MYO3A: variants seen among roughly 807,000 people sequenced by gnomAD.
MYO3A encodes myosin-IIIa.
In MYO3A, 180 loss-of-function variants were observed where a neutral mutation model predicts 192.7. The observed-to-expected ratio is 0.93, with a 90% CI of 0.83 to 1.06. The LOEUF (loss-of-function observed/expected upper bound fraction) is 1.06, where lower values mean the gene tolerates loss of function less well. Ranked by LOEUF, MYO3A falls within the 50% of genes least tolerant of loss-of-function variation. MYO3A has a pLI of 0.00. For missense variants in MYO3A, 1,896 were observed against 1,905.0 expected, an observed-to-expected ratio of 1.00 and a Z score of 0.09; for synonymous variants, 628 against 645.3, an observed-to-expected ratio of 0.97 and a Z score of 0.41.
At chr10:26,015,281 C>T (rs943764240) in intron 6 of MYO3A, among the ~76,000 whole-genome samples, 4 of 152,100 alleles carry the variant, frequency 2.6e-5, no homozygotes, top group South Asian at 2.1e-4. Context: ...AATTTTCCAC[C>T]CATCAGCAGC....
chr10:26,007,509 A>C (rs898243753), intron 6 of MYO3A, among the ~76,000 whole-genome samples: 11 of 152,104 alleles, frequency 7.2e-5, no homozygotes, highest in African/African-American at 2.7e-4. Context: ...AAATCTGCTT[A>C]AGCTGATAAG....
chr10:25,960,368 A>G (rs531668448), intron 4 of MYO3A, among the ~76,000 whole-genome samples: 8 of 152,246 alleles, frequency 5.3e-5, no homozygotes, highest in Admixed American at 5.2e-4. Flanking sequence ...CAATTTATCT[A>G]TGATTTCAAT....
intron 14 of MYO3A, among the ~76,000 whole-genome samples, chr10:26,080,710 G>A (rs536878612): frequency 2.6e-5 from 4 of 152,010 alleles, no homozygotes; most frequent in Non-Finnish European, 5.9e-5. Flanking sequence ...TAGGGCTGAA[G>A]GCTGTTATTC....
At chr10:26,142,188 G>A (rs1326482990) in intron 20 of MYO3A, among the ~76,000 whole-genome samples, 7 of 152,214 alleles carry the variant, frequency 4.6e-5, no homozygotes, top group Admixed American at 4.6e-4. Flanking sequence ...AAAATGGTCT[G>A]TAATTTAAAC....
intron 18 of MYO3A, among the ~76,000 whole-genome samples, chr10:26,121,447 A>G (rs2131705867): frequency 6.6e-6 from 1 of 152,248 alleles, no homozygotes; most frequent in East Asian, 1.9e-4. Flanking sequence ...TGTTTCATTA[A>G]TAATAACAAA....
At chr10:26,078,066 A>G (rs571419503) in intron 14 of MYO3A, among the ~76,000 whole-genome samples, 75 of 149,504 alleles carry the variant, frequency 5.0e-4, no homozygotes, top group African/African-American at 1.8e-3. Context: ...AGTGTCAAAA[A>G]GGTTAGTAAC....
At chr10:25,998,006 C>G (rs1840560397) in intron 6 of MYO3A, among the ~76,000 whole-genome samples, 1 of 152,204 alleles carries the variant, frequency 6.6e-6, no homozygotes, top group South Asian at 2.1e-4. Flanking sequence ...CCCTTTTGCA[C>G]TGTAGGTGGG....
chr10:26,178,432 A>G (rs1290888790), intron 31 of MYO3A, among the ~76,000 whole-genome samples: 1 of 152,004 alleles, frequency 6.6e-6, no homozygotes, highest in Non-Finnish European at 1.5e-5. Flanking sequence ...GGTGCCCATA[A>G]TACCAGCTAC....
chr10:26,036,267 A>G (rs1843033535), intron 10 of MYO3A, among the ~76,000 whole-genome samples: 1 of 130,740 alleles, frequency 7.6e-6, no homozygotes, highest in Non-Finnish European at 1.8e-5. Context: ...AATTAAATTA[A>G]GGATACAGAG....
intron 31 of MYO3A, among the ~76,000 whole-genome samples, chr10:26,183,263 G>C (rs891855198): frequency 3.9e-5 from 6 of 152,150 alleles, no homozygotes; most frequent in Non-Finnish European, 7.4e-5. Flanking sequence ...GGTGGCTCAC[G>C]CCTGTAATCC....
intron 6 of MYO3A, among the ~76,000 whole-genome samples, chr10:25,999,681 T>C (rs1200934807): frequency 1.3e-5 from 2 of 152,190 alleles, no homozygotes; most frequent in African/African-American, 4.8e-5. Context: ...CATTATTGGG[T>C]ACTGAAGATC....
chr10:26,191,990 A>T (rs987878704), intron 31 of MYO3A, among the ~76,000 whole-genome samples: 2 of 152,212 alleles, frequency 1.3e-5, no homozygotes, highest in Admixed American at 6.5e-5. Context: ...GAAGCTTTCC[A>T]ATAAGTACCA....
At chr10:25,973,979 G>C (rs552501636) in intron 4 of MYO3A, among the ~76,000 whole-genome samples, 1 of 152,044 alleles carries the variant, frequency 6.6e-6, no homozygotes, top group Non-Finnish European at 1.5e-5. Flanking sequence ...ACCAAAAACC[G>C]TAAAAACCCT....
intron 31 of MYO3A, among the ~76,000 whole-genome samples, chr10:26,183,339 A>G (rs978294272): frequency 3.9e-5 from 6 of 152,136 alleles, no homozygotes; most frequent in African/African-American, 1.4e-4. Flanking sequence ...CCTGGCTAAC[A>G]AGGTGAAACC....
intron 14 of MYO3A, among the ~76,000 whole-genome samples, chr10:26,073,537 G>A (rs1835342812): frequency 6.7e-6 from 1 of 149,362 alleles, no homozygotes; most frequent in South Asian, 2.1e-4. Flanking sequence ...AGCTTGCAGT[G>A]AGCCGAGATT....
intron 21 of MYO3A, among the ~76,000 whole-genome samples, chr10:26,144,843 C>T (rs948883055): frequency 1.3e-5 from 2 of 152,138 alleles, no homozygotes; most frequent in Non-Finnish European, 2.9e-5. Flanking sequence ...CCCAAACCTA[C>T]TGAGTCAGAA....
chr10:26,130,660 C>G (rs1222095849), intron 20 of MYO3A, among the ~76,000 whole-genome samples: 1 of 152,204 alleles, frequency 6.6e-6, no homozygotes, highest in African/African-American at 2.4e-5. Flanking sequence ...CCTAGAATAA[C>G]TATCTAGGAA....
chr10:26,063,985 C>A (rs568273027), intron 10 of MYO3A, among the ~76,000 whole-genome samples: 1 of 152,232 alleles, frequency 6.6e-6, no homozygotes, highest in South Asian at 2.1e-4. Context: ...GCTGGGGACA[C>A]AGCAGTGAAC....
intron 17 of MYO3A, among the ~76,000 whole-genome samples, chr10:26,113,431 C>T (rs1194357744): frequency 2.7e-5 from 4 of 150,748 alleles, no homozygotes; most frequent in Non-Finnish European, 4.4e-5. Flanking sequence ...GATTGTGCCA[C>T]TGCCCTCCAG....
Sources: allele counts gnomAD v4.1 joint callset (sites outside exome capture counted in the v4.1 genomes callset), GRCh38; gene constraint gnomAD v4.1.1; transcripts MANE v1.5; gene names NCBI Gene and HGNC (gene_info 2026-07-23, HGNC 2026-07-21).